GNL2: variants seen among roughly 807,000 people sequenced by gnomAD.
GNL2 encodes nucleolar GTP-binding protein 2.
GNL2 carries 51 observed loss-of-function variants against 92.3 expected under a neutral mutation model. That is an observed-to-expected ratio of 0.55 (90% confidence interval 0.44 to 0.70). The LOEUF is 0.70. Ranked by LOEUF, GNL2 falls within the 30% of genes least tolerant of loss-of-function variation. GNL2 has a pLI of 0.00. For synonymous variants in GNL2, 283 were observed against 300.6 expected (o/e 0.94, Z 0.61); for missense variants, 844 against 895.6 (o/e 0.94, Z 0.74).
chr1:37,582,048 T>A (rs772525674), intron 8 of GNL2, among the ~76,000 whole-genome samples, 175 bp downstream of exon 8: 1 of 151,932 alleles, frequency 6.6e-6, no homozygotes, highest in Non-Finnish European at 1.5e-5. Context: ...GTAGCCTTGA[T>A]CTCCTGGGCT....
rs1042851436 is a variant in GNL2, at chr1:37,582,467, T to C, written c.796-131A>G. On this transcript the variant is annotated intron_variant, in intron 7 of 15. Coordinates refer to ENST00000373062, the MANE Select transcript of GNL2 (RefSeq NM_013285.3). ...CTAAGGAAAATGTTAGCTATAATTC[T>C]TTGAAATGTTTTTTCCAAGTATAAC... 10 of 600,884 alleles carry C rather than the reference T, an allele frequency of 1.7e-5. No individual in the cohort carries two copies. In the African/African-American group the frequency reaches 1.9e-4, roughly 11 times the overall value. 37.2% of individuals were successfully genotyped at this position (600,884 alleles called of 1,614,324 possible).
rs1356186144 is a variant in GNL2, at chr1:37,595,878, CTT to C, written c.-58_-57del. 18 of 1,490,074 alleles carry C rather than the reference CTT, an allele frequency of 1.2e-5. 1 individual carries two copies. In the South Asian group the frequency reaches 1.5e-4, roughly 12 times the overall value. The allele number at this position is 1,490,074 out of a possible 1,614,324, so 92.3% of individuals were successfully genotyped here. ...GGTCCGGCTTACGTGGTGAAACAAA[CTT>C]TTATGTTCCCAAGCCCGGCCGAAGA... On this transcript the variant is annotated 5_prime_UTR_variant, in exon 1 of 16. Transcript: ENST00000373062.
chr1:37,576,719 G>C (rs1176229515), intron 8 of GNL2, among the ~76,000 whole-genome samples, 163 bp from the exon 9 acceptor site: 1 of 152,164 alleles, frequency 6.6e-6, no homozygotes, highest in Non-Finnish European at 1.5e-5. Context: ...GAGTAAGCTG[G>C]ATACATATGC....
intron 7 of GNL2, 135 bp downstream of exon 7, chr1:37,582,643 C>A: frequency 1.3e-6 from 1 of 765,734 alleles, no homozygotes; most frequent in Non-Finnish European, 2.1e-6. Context: ...TATCAATGAG[C>A]ACACTTTCGT....
intron 9 of GNL2, 80 bp downstream of exon 9, chr1:37,576,348 G>C (rs769918756): frequency 7.2e-5 from 91 of 1,271,858 alleles, no homozygotes; most frequent in Non-Finnish European, 9.8e-5. Context: ...GAGAAGCAGA[G>C]AGAAATCAAC....
chr1:37,580,189 G>A (rs1362814634), intron 8 of GNL2, among the ~76,000 whole-genome samples: 1 of 152,130 alleles, frequency 6.6e-6, no homozygotes, highest in East Asian at 1.9e-4. Flanking sequence ...AGCACTTCAG[G>A]AGGCCAAAAC....
intron 6 of GNL2, chr1:37,583,204 G>A: frequency 3.9e-6 from 1 of 255,078 alleles, no homozygotes; most frequent in Non-Finnish European, 7.3e-6. Context: ...ATGGATTATT[G>A]AACTAAATCA....
chr1:37,576,615 G>C, intron 8 of GNL2, 59 bp from the exon 9 acceptor site: 1 of 1,545,692 alleles, frequency 6.5e-7, no homozygotes, highest in Non-Finnish European at 8.8e-7. Flanking sequence ...CTTTGGACAA[G>C]TAGGTTGTAT....
chr1:37,581,489 G>A (rs1218720292), intron 8 of GNL2: 1 of 456,086 alleles, frequency 2.2e-6, no homozygotes, highest in Non-Finnish European at 4.4e-6. Flanking sequence ...TCCATGGGCA[G>A]AGGATGCACA....
Position 37,575,634 on chromosome 1 carries a change from G to A in GNL2, c.1104C>T (p.Pro368=), listed in dbSNP as rs779597700. ...FLIDCPGVVY[P]SEDSETDIVL... ...CAATGTCTGTCTCGGAGTCCTCAGA[G>A]GGGTAAACCACACCTGGACAGTCAA... The change falls in exon 10 of 16, where the codon CCC becomes CCT. Residue 368 remains proline (P), a synonymous_variant. Coordinates refer to ENST00000373062, the MANE Select transcript of GNL2 (RefSeq NM_013285.3). This position sits in a 1 kb window ranked among gnomAD's most constrained non-coding sequence, Gnocchi z 4.1. The A allele has an allele frequency of 1.8e-5, 29 of 1,599,842 alleles. No individual in the cohort carries two copies. The highest frequency in any genetic ancestry group is 1.1e-4 in the Admixed American group (6 of 55,882).
intron 8 of GNL2, among the ~76,000 whole-genome samples, chr1:37,579,755 G>A (rs1038678570): frequency 3.3e-5 from 5 of 150,590 alleles, no homozygotes; most frequent in Admixed American, 6.6e-5. Flanking sequence ...AATTAGCTGC[G>A]CGTTGTGGCG....
chr1:37,567,841 A>C lies in GNL2; in HGVS notation c.1952-77T>G, dbSNP rs1643531159. 2.7e-6 allele frequency: 3 copies of C among 1,114,374 alleles called. No individual in the cohort carries two copies. In the East Asian group the frequency reaches 7.1e-5, roughly 26 times the overall value. The allele number at this position is 1,114,374 out of a possible 1,614,324, so 69.0% of individuals were successfully genotyped here. A position where few individuals can be genotyped will look rare whatever the true frequency, so the allele number is the denominator to read the frequency against. On this transcript the variant is annotated intron_variant, in intron 14 of 15. Transcript: ENST00000373062. Reference sequence around the variant, plus strand: ...AAACCCAACGGTGGGAACAAGCTTGATGTATCAGGAGGAGGACACCCAATG... The same window carrying C: ...AAACCCAACGGTGGGAACAAGCTTGCTGTATCAGGAGGAGGACACCCAATG...
Position 37,592,761 on chromosome 1 carries a change from C to G in GNL2, c.195G>C (p.Thr65=). ...CTCTTGCCACTGTGCCAGAAGCCAC[C>G]GTTGATTGATATTGCAGGGGTTTAA... is the stretch of plus-strand genomic sequence containing the variant. ...KIIKPLQYQS[T]VASGTVARVE... Residue 65 remains threonine (T), a synonymous_variant, in exon 3 of 16, where the codon ACG becomes ACC. Transcript: ENST00000373062. The G allele has an allele frequency of 1.2e-6, 2 of 1,609,712 alleles. No individual in the cohort carries two copies. Among genetic ancestry groups the G allele is most frequent in the Non-Finnish European group, 1.7e-6 (2 of 1,176,026 alleles).
chr1:37,593,957 C>A, intron 1 of GNL2, 111 bp from the exon 2 acceptor site: 1 of 690,602 alleles, frequency 1.4e-6, no homozygotes, highest in South Asian at 1.9e-5. Context: ...AAGAAGCCAC[C>A]AACCACAAAA....
chr1:37,591,083 C>T (rs1414236036), intron 3 of GNL2, among the ~76,000 whole-genome samples: 5 of 152,148 alleles, frequency 3.3e-5, no homozygotes, highest in Non-Finnish European at 7.3e-5. Context: ...AATAGTTTTC[C>T]AAGTCCAGTT....
intron 8 of GNL2, among the ~76,000 whole-genome samples, chr1:37,578,928 C>T (rs1255021205): frequency 6.6e-6 from 1 of 152,006 alleles, no homozygotes; most frequent in Non-Finnish European, 1.5e-5. Flanking sequence ...ACTTGCGGGT[C>T]GAGGCTGCAG....
In GNL2 at chr1:37,587,481, G is replaced by A; in HGVS notation, c.399C>T (p.His133=). 1 of 1,609,824 alleles carries A rather than the reference G, an allele frequency of 6.2e-7. No individual in the cohort carries two copies. Residue 133 remains histidine, a synonymous_variant, in exon 5 of 16, where the codon CAC becomes CAT. Transcript: ENST00000373062. ...DRIRPHNLKV[H]ILDTESFETT... ...TTTCAAAACTTTCAGTATCAAGAATGTGCACCTTCAAGTTCTGAAGAGAAA... is the reference window on the plus strand; with the variant it reads ...TTTCAAAACTTTCAGTATCAAGAATATGCACCTTCAAGTTCTGAAGAGAAA...
intron 4 of GNL2, 46 bp downstream of exon 4, chr1:37,590,660 G>A (rs766612186): frequency 2.6e-6 from 4 of 1,512,664 alleles, no homozygotes; most frequent in Non-Finnish European, 3.7e-6. Flanking sequence ...GATCTGCATG[G>A]AGTTTGCCCA....
chr1:37,586,305 T>A (rs1643849974), intron 5 of GNL2, among the ~76,000 whole-genome samples: 1 of 152,116 alleles, frequency 6.6e-6, no homozygotes, highest in Admixed American at 6.5e-5. Context: ...AGAGACAAGG[T>A]CTCACTATGT....
Sources: allele counts gnomAD v4.1 joint callset (sites outside exome capture counted in the v4.1 genomes callset), GRCh38; gene constraint gnomAD v4.1.1; non-coding constraint Gnocchi (gnomAD v3.1); transcripts MANE v1.5; gene names NCBI Gene and HGNC (gene_info 2026-07-23, HGNC 2026-07-21).